DYNC1I1: variants seen among roughly 807,000 people sequenced by gnomAD.
DYNC1I1 encodes dynein cytoplasmic 1 intermediate chain 1.
DYNC1I1 carries 43 observed loss-of-function variants against 86.6 expected under a neutral mutation model. The ratio of observed to expected loss-of-function variants is 0.50; its 90% confidence interval spans 0.39 to 0.64. DYNC1I1 has a LOEUF of 0.64. Among genes scored for constraint, DYNC1I1 ranks in the 30% least tolerant of loss-of-function variants. DYNC1I1 has a pLI of 0.00. For missense variants in DYNC1I1, 604 were observed against 788.8 expected (o/e 0.77, Z 2.81); for synonymous variants, 262 against 283.7 (o/e 0.92, Z 0.77).
chr7:95,891,080 A>G (rs1057274799), intron 6 of DYNC1I1, among the ~76,000 whole-genome samples: 2 of 152,180 alleles, frequency 1.3e-5, no homozygotes, highest in African/African-American at 4.8e-5. Context: ...ACATATGACT[A>G]GTGTCCTTAT....
At chr7:96,006,010 G>A (rs960447524) in intron 10 of DYNC1I1, among the ~76,000 whole-genome samples, 4 of 152,152 alleles carry the variant, frequency 2.6e-5, no homozygotes, top group Admixed American at 6.5e-5. Flanking sequence ...ACACATGTGC[G>A]TGAAGAAAAC....
intron 1 of DYNC1I1, among the ~76,000 whole-genome samples, chr7:95,780,414 C>CCCA (rs1448379711): frequency 1.3e-5 from 2 of 149,924 alleles, no homozygotes; most frequent in African/African-American, 4.9e-5. Context: ...ACTACAGGCG[C>CCCA]CCACCACCAC....
At chr7:96,057,035 C>T (rs1789597850) in intron 14 of DYNC1I1, among the ~76,000 whole-genome samples, 1 of 152,164 alleles carries the variant, frequency 6.6e-6, no homozygotes, top group Admixed American at 6.6e-5. Context: ...AGGTGTCTAA[C>T]CATTAGTCTC....
At chr7:95,902,183 T>C (rs1791054330) in intron 6 of DYNC1I1, among the ~76,000 whole-genome samples, 1 of 152,238 alleles carries the variant, frequency 6.6e-6, no homozygotes, top group Non-Finnish European at 1.5e-5. Context: ...TTTTGGTATA[T>C]GAGCCCAGGA....
intron 16 of DYNC1I1, among the ~76,000 whole-genome samples, chr7:96,105,829 GA>G (rs578023016): frequency 2.0e-5 from 3 of 152,126 alleles, no homozygotes; most frequent in Non-Finnish European, 4.4e-5. Flanking sequence ...ATAGAAATAG[GA>G]GATTCTGATT....
chr7:95,845,534 T>G (rs1220837324), intron 5 of DYNC1I1, among the ~76,000 whole-genome samples: 1 of 152,208 alleles, frequency 6.6e-6, no homozygotes, highest in Non-Finnish European at 1.5e-5. Flanking sequence ...TTTTCAAGGT[T>G]TGTCATGTAA....
chr7:95,929,178 A>G lies in DYNC1I1; in HGVS notation c.491-48334A>G, dbSNP rs182155865. On this transcript the variant is annotated intron_variant, in intron 6 of 16. Transcript: ENST00000447467. The stretch of plus-strand genomic sequence containing the variant: ...GTATTTTCTGCTCTTCCATCCTGCA[A>G]TGCCCTAACCTCCCAGGGTGCCCAT... Among the ~76,000 whole-genome samples, 24 of 152,222 alleles carry G rather than the reference A, an allele frequency of 1.6e-4. 1 individual carries two copies. The South Asian group carries it at 3.7e-3, about 24-fold the overall frequency.
chr7:96,048,524 T>C (rs920957644), intron 14 of DYNC1I1, among the ~76,000 whole-genome samples: 1 of 152,176 alleles, frequency 6.6e-6, no homozygotes, highest in South Asian at 2.1e-4. Flanking sequence ...ACTCTGGGGA[T>C]GGGAGCCAAC....
At chr7:95,826,897 C>A (rs1352256152) in intron 4 of DYNC1I1, among the ~76,000 whole-genome samples, 1 of 152,150 alleles carries the variant, frequency 6.6e-6, no homozygotes, top group Non-Finnish European at 1.5e-5. Flanking sequence ...TTTGGAAGAT[C>A]ACTGCAGGCC....
At chr7:95,803,002 G>C (rs3779479) in intron 1 of DYNC1I1, among the ~76,000 whole-genome samples, 30,054 of 152,106 alleles carry the variant, frequency 0.2, 3,073 homozygotes, top group East Asian at 0.26. Context: ...ACCAAACCTT[G>C]GTTAGCATTT....
Position 95,865,721 on chromosome 7 carries a change from G to A in DYNC1I1, c.375-4162G>A, listed in dbSNP as rs10251855. 3.5e-3 allele frequency among the ~76,000 whole-genome samples: 535 copies of A among 152,208 alleles called. 6 individuals carry two copies. Among genetic ancestry groups the A allele is most frequent in the African/African-American group, 0.012 (518 of 41,518 alleles). On this transcript the variant is annotated intron_variant, in intron 5 of 16. Transcript: ENST00000447467. Reference sequence around the variant, plus strand: ...CAACCATTGTGCTACAACTGCCTACGGTATTTAGTACGGTAATATGCTGTA... The same window carrying A: ...CAACCATTGTGCTACAACTGCCTACAGTATTTAGTACGGTAATATGCTGTA...
At chr7:96,032,614 T>C in intron 11 of DYNC1I1, 53 bp from the exon 12 acceptor site, 1 of 1,366,616 alleles carries the variant, frequency 7.3e-7, no homozygotes, top group South Asian at 1.2e-5. Flanking sequence ...CACTCAAATG[T>C]AAGCATTTCC....
At chr7:95,794,990 A>G (rs896850852) in intron 1 of DYNC1I1, among the ~76,000 whole-genome samples, 5 of 152,216 alleles carry the variant, frequency 3.3e-5, no homozygotes, top group African/African-American at 1.2e-4. Flanking sequence ...GGTCCTTCCT[A>G]TGTAAATGAA....
At chr7:95,907,356 G>A (rs529545704) in intron 6 of DYNC1I1, among the ~76,000 whole-genome samples, 10 of 152,142 alleles carry the variant, frequency 6.6e-5, no homozygotes, top group African/African-American at 1.2e-4. Context: ...CAGAATGACC[G>A]TTTATATTTT....
At chr7:95,840,105 A>G (rs1789240347) in intron 5 of DYNC1I1, among the ~76,000 whole-genome samples, 1 of 151,916 alleles carries the variant, frequency 6.6e-6, no homozygotes, top group Non-Finnish European at 1.5e-5. Flanking sequence ...GGCTTCCTGA[A>G]TCTGGATGTC....
intron 16 of DYNC1I1, among the ~76,000 whole-genome samples, chr7:96,097,051 A>G (rs1791032454): frequency 6.6e-6 from 1 of 152,154 alleles, no homozygotes; most frequent in South Asian, 2.1e-4. Flanking sequence ...ATACTGCCCC[A>G]TCAGCAACAC....
At chr7:95,998,746 T>C (rs1304147054) in intron 10 of DYNC1I1, among the ~76,000 whole-genome samples, 1 of 152,212 alleles carries the variant, frequency 6.6e-6, no homozygotes, top group Non-Finnish European at 1.5e-5. Flanking sequence ...CATTTCCTGC[T>C]GATCTCTGCT....
At chr7:95,892,830 G>C (rs1790779483) in intron 6 of DYNC1I1, among the ~76,000 whole-genome samples, 1 of 148,732 alleles carries the variant, frequency 6.7e-6, no homozygotes, top group Non-Finnish European at 1.5e-5. Flanking sequence ...TCTTATAGAG[G>C]GAGAAAATGA....
intron 6 of DYNC1I1, among the ~76,000 whole-genome samples, chr7:95,880,887 C>T (rs573509417): frequency 7.9e-5 from 12 of 152,086 alleles, no homozygotes; most frequent in East Asian, 1.9e-4. Flanking sequence ...CCTCACGATC[C>T]GCCCATCTCA....
Sources: allele counts gnomAD v4.1 joint callset (sites outside exome capture counted in the v4.1 genomes callset), GRCh38; gene constraint gnomAD v4.1.1; transcripts MANE v1.5; gene names NCBI Gene and HGNC (gene_info 2026-07-23, HGNC 2026-07-21).